The following COL6A1 variants were observed in gnomAD, a reference collection of about 807,000 sequenced individuals.
COL6A1 encodes the protein collagen alpha-1(VI) chain.
In COL6A1, 80 loss-of-function variants were observed where a neutral mutation model predicts 145.6. The observed-to-expected ratio is 0.55, with a 90% CI of 0.46 to 0.66. The LOEUF is 0.66. Ranked by LOEUF, COL6A1 falls within the 30% of genes least tolerant of loss-of-function variation. The pLI is 0.00. For synonymous variants in COL6A1, 638 were observed against 622.8 expected, an observed-to-expected ratio of 1.02 and a Z score of -0.36; for missense variants, 1,364 against 1,473.8, an observed-to-expected ratio of 0.93 and a Z score of 1.22.
rs2077850470 is a variant in COL6A1, at chr21:46,002,222, A to T, written c.2071A>T (p.Ile691Phe). 6.2e-7 allele frequency: 1 copy of T among 1,601,338 alleles called. No individual in the cohort carries two copies. Among genetic ancestry groups the T allele is most frequent in the African/African-American group, 1.3e-5 (1 of 74,824 alleles). The change falls in exon 32 of 35, where the codon ATC becomes TTC. Residue 691 changes from isoleucine to phenylalanine, a missense_variant. By Grantham distance (21) the Ile-to-Phe change is conservative (BLOSUM62 0). Around this residue, in one of 3 missense-constraint regions of COL6A1, gnomAD observed 938 missense variants for 1,003.8 expected, o/e 0.93. Transcript: ENST00000361866. Reference sequence around the variant, plus strand: ...TTCCTGCCCTTTGCTATGCAGAGCCATCAAGAGCCTGCAGTGGATGGCGGG... The same window carrying T: ...TTCCTGCCCTTTGCTATGCAGAGCCTTCAAGAGCCTGCAGTGGATGGCGGG... ...IRNVQELKEA[I>F]KSLQWMAGGT...
chr21:45,992,137 C>G, intron 16 of COL6A1, 27 bp from the exon 17 acceptor site: 7 of 1,613,594 alleles, frequency 4.3e-6, no homozygotes, highest in Non-Finnish European at 5.9e-6. Flanking sequence ...GGAGATGGAG[C>G]GACCATTCAA....
Position 45,981,813 on chromosome 21 carries a change from G to A in COL6A1, c.-38G>A, listed in dbSNP as rs777053856. On this transcript the variant is annotated 5_prime_UTR_variant, in exon 1 of 35. Coordinates refer to ENST00000361866, the MANE Select transcript of COL6A1 (RefSeq NM_001848.3). ...CTGGGCGGCGGCGGCGGCCCACTCT[G>A]CCCTGGCCGCGCTGTGTGGTGACCG... The A allele has an allele frequency of 1.3e-6, 2 of 1,520,626 alleles. No individual in the cohort carries two copies. The highest frequency in any genetic ancestry group is 2.4e-5 in the South Asian group (2 of 83,084). The allele number at this position is 1,520,626 out of a possible 1,614,324, so 94.2% of individuals were successfully genotyped here.
chr21:45,987,350 G>A (rs1036344679), intron 6 of COL6A1, 149 bp from the exon 7 acceptor site: 4 of 1,464,158 alleles, frequency 2.7e-6, no homozygotes, highest in Middle Eastern at 1.7e-4. Context: ...GTCCACCTGT[G>A]TGTCTGCCCA....
At chr21:45,987,561 T>C in intron 7 of COL6A1, 42 bp downstream of exon 7, 1 of 1,612,738 alleles carries the variant, frequency 6.2e-7, no homozygotes, top group Non-Finnish European at 8.5e-7. Flanking sequence ...CCCTGCACCC[T>C]GGGAACCTGA....
At position 45,984,404 on chromosome 21, in the gene COL6A1, G is replaced by A; in HGVS notation, c.363G>A (p.Lys121=). ...DALKSSVDAV[K]YFGKGTYTDC... is the part of the protein sequence containing the mutation. ...TCAAAAGCAGCGTGGACGCGGTCAA[G>A]TACTTTGGGAAGGGCACCTACACCG... is the stretch of plus-strand genomic sequence containing the variant. The change falls in exon 3 of 35, where the codon AAG becomes AAA. Residue 121 remains lysine, a synonymous_variant. Transcript: ENST00000361866. The A allele has an allele frequency of 6.2e-7, 1 of 1,612,708 alleles. No individual in the cohort carries two copies. The highest frequency in any genetic ancestry group is 8.5e-7 in the Non-Finnish European group (1 of 1,179,970).
rs537371836 is a variant in COL6A1, at chr21:46,002,747, G to A, written c.2434+37G>A. 1,995 of 1,554,866 alleles carry A rather than the reference G, an allele frequency of 1.3e-3. 12 individuals carry two copies. The highest frequency in any genetic ancestry group is 2.7e-3 in the Middle Eastern group (15 of 5,608). Reference sequence around the variant, plus strand: ...GCCACCCGGGCAGTCCCAGATCTGCGTAGGTGCGCGCGGGGCCGCCCGGGC... The same window carrying A: ...GCCACCCGGGCAGTCCCAGATCTGCATAGGTGCGCGCGGGGCCGCCCGGGC... On this transcript the variant is annotated intron_variant, in intron 33 of 34. Coordinates refer to ENST00000361866, the MANE Select transcript of COL6A1 (RefSeq NM_001848.3).
chr21:46,004,237 A>T lies in COL6A1; in HGVS notation c.*224A>T, dbSNP rs1189917191. 2 of 619,788 alleles carry T rather than the reference A, an allele frequency of 3.2e-6. No individual in the cohort carries two copies. Among genetic ancestry groups the T allele is most frequent in the African/African-American group, 3.7e-5 (2 of 54,154 alleles). 38.4% of individuals were successfully genotyped at this position (619,788 alleles called of 1,614,324 possible). A position where few individuals can be genotyped will look rare whatever the true frequency, so the allele number is the denominator to read the frequency against. ...ACCTGCGCAGGGCCCTCTGGGGCTCAGCCCTGAGCTAGTGTCACCTGCACA... is the reference window on the plus strand; with the variant it reads ...ACCTGCGCAGGGCCCTCTGGGGCTCTGCCCTGAGCTAGTGTCACCTGCACA... On this transcript the variant is annotated 3_prime_UTR_variant, in exon 35 of 35. Transcript: ENST00000361866.
intron 3 of COL6A1, among the ~76,000 whole-genome samples, chr21:45,986,095 C>T (rs1006557475): frequency 2.0e-5 from 3 of 152,184 alleles, no homozygotes; most frequent in Non-Finnish European, 2.9e-5. Context: ...ATTCAGGGAT[C>T]GCCCTGTTGT....
At chr21:45,989,907 C>T in intron 11 of COL6A1, 129 bp downstream of exon 11, 1 of 1,237,446 alleles carries the variant, frequency 8.1e-7, no homozygotes, top group Admixed American at 1.8e-5. Context: ...CGCTCCACCG[C>T]CCCTCGCCGT....
rs757270528 is a variant in COL6A1 at position 46,003,382 on chromosome 21, G to A, written c.2465-9G>A. ...CCTCATGCTAACGGCTGCCCACCCCGCCCCGCAGTCACGTTCTCCTCCCCG... is the reference window on the plus strand; with the variant it reads ...CCTCATGCTAACGGCTGCCCACCCCACCCCGCAGTCACGTTCTCCTCCCCG... On this transcript the variant is annotated splice_polypyrimidine_tract_variant and intron_variant, in intron 34 of 34. Transcript: ENST00000361866. The A allele has an allele frequency of 8.8e-6, 14 of 1,599,634 alleles. No individual in the cohort carries two copies. Among genetic ancestry groups the A allele is most frequent in the South Asian group, 5.5e-5 (5 of 91,040 alleles).
chr21:45,991,153 G>T, intron 15 of COL6A1, 112 bp downstream of exon 15: 4 of 1,183,210 alleles, frequency 3.4e-6, no homozygotes, highest in Non-Finnish European at 5.0e-6. Flanking sequence ...CCACCCGTGC[G>T]GCCTCAGAGG....
chr21:45,983,108 C>T (rs1311626724), intron 2 of COL6A1, among the ~76,000 whole-genome samples: 1 of 152,216 alleles, frequency 6.6e-6, no homozygotes, highest in Non-Finnish European at 1.5e-5. Flanking sequence ...AGCGCACTGG[C>T]CCAGACACGC....
intron 27 of COL6A1, 34 bp from the exon 28 acceptor site, chr21:46,000,297 T>C (rs2077835859): frequency 1.2e-6 from 2 of 1,613,498 alleles, no homozygotes; most frequent in Non-Finnish European, 1.7e-6. Context: ...AGGGGCTGTC[T>C]ATGGCCCCAG....
intron 25 of COL6A1, 42 bp from the exon 26 acceptor site, chr21:45,999,111 G>A (rs377055635): frequency 2.2e-5 from 35 of 1,560,580 alleles, no homozygotes; most frequent in African/African-American, 1.5e-4. Context: ...GCAGATGCCC[G>A]GGTGGTGCAC....
Position 45,989,661 on chromosome 21 carries a change from C to A in COL6A1, c.903+9C>A, listed in dbSNP as rs765060192. 10 of 1,613,000 alleles carry A rather than the reference C, an allele frequency of 6.2e-6. No homozygotes were observed. The highest frequency in any genetic ancestry group is 8.5e-6 in the Non-Finnish European group (10 of 1,179,978). On this transcript the variant is annotated intron_variant, in intron 10 of 34. Transcript: ENST00000361866. ...GGTACCAGGGAATGAAGGTACGTGC[C>A]CCCCCTTTCCTGGCCCGAGCCCGGT... is the stretch of plus-strand genomic sequence containing the variant.
chr21:46,003,682 C>T lies in COL6A1; in HGVS notation c.2756C>T (p.Ala919Val), dbSNP rs1206273091. Reference protein sequence around the residue: ...FINDATDVNDALGYVTRFYRE... With the variant: ...FINDATDVNDVLGYVTRFYRE... ...AACGACGCCACCGACGTCAACGATG[C>T]CCTGGGCTATGTGACCCGCTTCTAC... The change falls in exon 35 of 35, where the codon GCC becomes GTC. Residue 919 changes from alanine (A) to valine (V), a missense_variant. Coordinates refer to ENST00000361866, the MANE Select transcript of COL6A1 (RefSeq NM_001848.3). 1.2e-6 allele frequency: 2 copies of T among 1,613,102 alleles called. No homozygotes were observed. The highest frequency in any genetic ancestry group is 1.7e-5 in the Admixed American group (1 of 60,028).
In COL6A1 at chr21:46,000,809, G is replaced by C. The variant is rs13053065; in HGVS notation, c.1822+42G>C. 486,694 of 1,611,126 alleles carry C rather than the reference G, an allele frequency of 0.3. 75,392 individuals carry two copies. Among genetic ancestry groups the C allele is most frequent in the African/African-American group, 0.39 (29,438 of 74,966 alleles). The stretch of plus-strand genomic sequence containing the variant: ...AGCTCCTGAGAGAATGGATCCCGGG[G>C]GTCGGGGAGCGAGGCCTGGGTCCCA... On this transcript the variant is annotated intron_variant, in intron 29 of 34. Coordinates refer to ENST00000361866, the MANE Select transcript of COL6A1 (RefSeq NM_001848.3).
In COL6A1 at chr21:46,002,718, T is replaced by C. The variant is rs1227258893; in HGVS notation, c.2434+8T>C. The C allele has an allele frequency of 1.2e-5, 20 of 1,608,056 alleles. No homozygotes were observed. Among genetic ancestry groups the C allele is most frequent in the East Asian group, 4.5e-5 (2 of 44,698 alleles). On this transcript the variant is annotated splice_region_variant and intron_variant, in intron 33 of 34. Coordinates refer to ENST00000361866, the MANE Select transcript of COL6A1 (RefSeq NM_001848.3). ...CCGCCCAGATCTGCATAGGTGCGCA[T>C]GGGGCCACCCGGGCAGTCCCAGATC...
Position 46,003,548 on chromosome 21 carries a change from G to A in COL6A1, c.2622G>A (p.Ala874=), listed in dbSNP as rs371763977. Reference sequence around the variant, plus strand: ...ACCCCGCCCACGACGTGCGGGTGGCGGTGGTGCAGTACAGCGGCACGGGCC... The same window carrying A: ...ACCCCGCCCACGACGTGCGGGTGGCAGTGGTGCAGTACAGCGGCACGGGCC... The part of the protein sequence containing the change: ...RTDPAHDVRV[A]VVQYSGTGQQ... The change falls in exon 35 of 35, where the codon GCG becomes GCA. Residue 874 remains alanine, a synonymous_variant. Coordinates refer to ENST00000361866, the MANE Select transcript of COL6A1 (RefSeq NM_001848.3). 4.2e-4 allele frequency: 684 copies of A among 1,612,202 alleles called. 7 individuals carry two copies. In the South Asian group the frequency reaches 5.6e-3, roughly 13 times the overall value.
Sources: allele counts gnomAD v4.1 joint callset (sites outside exome capture counted in the v4.1 genomes callset), GRCh38; gene constraint gnomAD v4.1.1; regional missense constraint gnomAD v4.1.1; transcripts MANE v1.5; gene names NCBI Gene and HGNC (gene_info 2026-07-23, HGNC 2026-07-21).